The following TAS2R1 variants were observed in gnomAD, a reference collection of about 807,000 sequenced individuals.
The protein encoded by TAS2R1 is taste 2 receptor member 1, also known as taste receptor type 2 member 1.
For missense variants in TAS2R1, 370 were observed against 353.4 expected (o/e 1.05, Z -0.38); for synonymous variants, 141 against 134.2 (o/e 1.05, Z -0.35).
At chr5:9,673,475 T>C (rs996266188) in intron 1 of TAS2R1, among the ~76,000 whole-genome samples, 2 of 152,102 alleles carry the variant, frequency 1.3e-5, no homozygotes, top group African/African-American at 4.8e-5. Flanking sequence ...CTAATAAATG[T>C]TATAAAATCA....
chr5:9,680,043 T>C (rs366964), intron 1 of TAS2R1, among the ~76,000 whole-genome samples: 144,317 of 152,182 alleles, frequency 0.95, 69,002 homozygotes, highest in Non-Finnish European at 1. Context: ...TAAGGAAGTG[T>C]TTAAAGGAAA....
At chr5:9,897,566 C>T in the TAS2R1 span, among the ~76,000 whole-genome samples, 2 of 152,240 alleles carry the variant, frequency 1.3e-5, no homozygotes, top group East Asian at 1.9e-4. Context: ...ATACCCAGAA[C>T]TTAGGCACTG....
At chr5:9,719,945 C>T in the TAS2R1 span, among the ~76,000 whole-genome samples, 1 of 124,704 alleles carries the variant, frequency 8.0e-6, no homozygotes, top group Non-Finnish European at 1.7e-5. Context: ...AAAACAAAAA[C>T]AAAAACAAAC....
chr5:9,805,340 T>C, the TAS2R1 span, among the ~76,000 whole-genome samples: 1 of 152,138 alleles, frequency 6.6e-6, no homozygotes, highest in Admixed American at 6.5e-5. Flanking sequence ...GTAACAATCC[T>C]ATTGACACTA....
At chr5:9,816,392 G>A in the TAS2R1 span, among the ~76,000 whole-genome samples, 25 of 151,954 alleles carry the variant, frequency 1.6e-4, no homozygotes, top group Non-Finnish European at 3.1e-4. Flanking sequence ...AAGATTCGAA[G>A]CATTCTATTG....
the TAS2R1 span, among the ~76,000 whole-genome samples, chr5:9,851,589 A>G: frequency 6.6e-6 from 1 of 151,720 alleles, no homozygotes; most frequent in African/African-American, 2.4e-5. Flanking sequence ...CAAGAAGTGC[A>G]GCATGAACAT....
chr5:9,785,349 T>C, the TAS2R1 span, among the ~76,000 whole-genome samples: 1 of 152,354 alleles, frequency 6.6e-6, no homozygotes, highest in Non-Finnish European at 1.5e-5. Flanking sequence ...AATTTTGCTT[T>C]TATCACACAA....
chr5:9,900,936 G>T, the TAS2R1 span, among the ~76,000 whole-genome samples: 1 of 152,150 alleles, frequency 6.6e-6, no homozygotes, highest in African/African-American at 2.4e-5. Context: ...GCATTCAGCC[G>T]CAACAGAGCA....
intron 1 of TAS2R1, among the ~76,000 whole-genome samples, chr5:9,708,826 G>C (rs1258683573): frequency 1.3e-5 from 2 of 152,038 alleles, no homozygotes; most frequent in Non-Finnish European, 2.9e-5. Flanking sequence ...AAAGTTCTAG[G>C]GTTGATTGGT....
chr5:9,649,699 C>T (rs143353958), intron 2 of TAS2R1, among the ~76,000 whole-genome samples: 1 of 152,156 alleles, frequency 6.6e-6, no homozygotes, highest in Non-Finnish European at 1.5e-5. Context: ...AAAGTGGAGG[C>T]ATATTTACAT....
the TAS2R1 span, among the ~76,000 whole-genome samples, chr5:9,806,501 A>G: frequency 6.6e-6 from 1 of 152,090 alleles, no homozygotes; most frequent in East Asian, 1.9e-4. Flanking sequence ...TCAAACTACT[A>G]TAAGGCCATT....
the TAS2R1 span, among the ~76,000 whole-genome samples, chr5:9,774,838 C>T: frequency 2.6e-5 from 4 of 152,364 alleles, no homozygotes; most frequent in East Asian, 7.7e-4. Context: ...GACACAGGCA[C>T]CTCTGTGGCC....
intron 2 of TAS2R1, among the ~76,000 whole-genome samples, chr5:9,638,178 G>A (rs895243073): frequency 1.3e-5 from 2 of 152,170 alleles, no homozygotes; most frequent in Non-Finnish European, 1.5e-5. Context: ...TGGACTGACT[G>A]CAGTGATTGT....
chr5:9,689,765 T>C (rs1741198055), intron 1 of TAS2R1, among the ~76,000 whole-genome samples: 1 of 152,284 alleles, frequency 6.6e-6, no homozygotes, highest in African/African-American at 2.4e-5. Context: ...TTATATATTA[T>C]AATTTATGAA....
chr5:9,726,700 G>A, the TAS2R1 span, among the ~76,000 whole-genome samples: 2 of 152,198 alleles, frequency 1.3e-5, no homozygotes, highest in African/African-American at 4.8e-5. Context: ...GCGAGGGTCC[G>A]CGGCTTCATT....
upstream of TAS2R1, chr5:9,630,362 A>T (rs1367046008): frequency 1.0e-5 from 2 of 195,116 alleles, no homozygotes; most frequent in Admixed American, 1.1e-4. Flanking sequence ...CAGCTCCTCC[A>T]TAGTAATTAG....
At chr5:9,883,871 A>G in the TAS2R1 span, 1 of 152,210 alleles carries the variant, frequency 6.6e-6, no homozygotes, top group Non-Finnish European at 1.5e-5. Context: ...GCTGCAAAAC[A>G]GAATACCGCA....
At chr5:9,682,401 G>C (rs779155312) in intron 1 of TAS2R1, among the ~76,000 whole-genome samples, 1 of 152,142 alleles carries the variant, frequency 6.6e-6, no homozygotes, top group South Asian at 2.1e-4. Context: ...AGGCATGGAG[G>C]AGCAGCCCTG....
chr5:9,710,933 A>T (rs1005137362), intron 1 of TAS2R1, among the ~76,000 whole-genome samples: 5 of 145,300 alleles, frequency 3.4e-5, no homozygotes, highest in Non-Finnish European at 6.0e-5. Flanking sequence ...TTATATATAT[A>T]ATATATTATA....
Sources: allele counts gnomAD v4.1 joint callset (sites outside exome capture counted in the v4.1 genomes callset), GRCh38; gene constraint gnomAD v4.1.1; transcripts MANE v1.5; gene names NCBI Gene and HGNC (gene_info 2026-07-23, HGNC 2026-07-21).